RUFY2: variants seen among roughly 807,000 people sequenced by gnomAD.
RUFY2 encodes RUN and FYVE domain containing 2, also known as RUN and FYVE domain-containing protein 2.
In RUFY2, 49 loss-of-function variants were observed where a neutral mutation model predicts 94.4. The ratio of observed to expected loss-of-function variants is 0.52; its 90% CI spans 0.41 to 0.66. RUFY2 has a LOEUF of 0.66. RUFY2 is among the 30% of genes least tolerant of loss of function. The probability of loss-of-function intolerance (pLI) is 0.00; values close to 1 mark genes in which losing one functional copy is unlikely to be tolerated. For missense variants in RUFY2, 541 were observed against 692.8 expected (o/e 0.78, Z 2.46); for synonymous variants, 255 against 235.7 (o/e 1.08, Z -0.75).
intron 16 of RUFY2, 25 bp from the exon 17 acceptor site, chr10:68,346,109 T>C (rs753521914): frequency 1.0e-5 from 16 of 1,562,982 alleles, no homozygotes; most frequent in Non-Finnish European, 1.2e-5. Flanking sequence ...ATATTAATGC[T>C]CAAATTGGTA....
chr10:68,376,489 T>TATATATATATATATATATATATTC lies in RUFY2; in HGVS notation c.1325+363_1325+364insGAATATATATATATATATATATAT, dbSNP rs58358117. ...ATATATATATATATATATATATATA[T>TATATATATATATATATATATATTC]ATTCTCAGAAAACAGCATGTCCTTT... On this transcript the variant is annotated intron_variant, in intron 13 of 17. Transcript: ENST00000602465. Among the ~76,000 whole-genome samples the TATATATATATATATATATATATTC allele has an allele frequency of 7.3e-4, 38 of 51,840 alleles. 11 individuals are homozygous for TATATATATATATATATATATATTC. The highest frequency in any genetic ancestry group is 1.4e-3 in the Admixed American group (5 of 3,558). The allele number at this position is 51,840 out of a possible 152,430, so 34.0% of individuals were successfully genotyped here. A position where few individuals can be genotyped will look rare whatever the true frequency, so the allele number is the denominator to read the frequency against.
chr10:68,391,259 G>C (rs1400317904), intron 7 of RUFY2, among the ~76,000 whole-genome samples: 1 of 151,948 alleles, frequency 6.6e-6, no homozygotes, highest in Non-Finnish European at 1.5e-5. Flanking sequence ...TTGATTGCAT[G>C]TTGGAAGAAT....
In RUFY2 at chr10:68,344,361, ATG is replaced by A. The variant is rs1564764827; in HGVS notation, c.*1405_*1406del. On this transcript the variant is annotated 3_prime_UTR_variant, in exon 18 of 18. Transcript: ENST00000602465. ...AATGCTCTTAATCCATAAATTTTCT[ATG>A]TATTTTTTATAGGCTCACAAACTTA... is the stretch of plus-strand genomic sequence containing the variant. 3 of 152,190 alleles carry A rather than the reference ATG, an allele frequency of 2.0e-5. No homozygotes were observed. The highest frequency in any genetic ancestry group is 1.3e-4 in the Admixed American group (2 of 15,278). The allele number at this position is 152,190 out of a possible 1,614,324, so 9.4% of individuals were successfully genotyped here.
At chr10:68,382,574 C>T (rs1480530404) in intron 10 of RUFY2, among the ~76,000 whole-genome samples, 12 of 150,914 alleles carry the variant, frequency 8.0e-5, no homozygotes, top group Admixed American at 1.3e-4. Flanking sequence ...ATTAGCCGGG[C>T]GTGGTGGCGG....
Position 68,394,357 on chromosome 10 carries a change from A to G in RUFY2, c.493T>C (p.Cys165Arg). 6.2e-7 allele frequency: 1 copy of G among 1,613,914 alleles called. No individual in the cohort carries two copies. Among genetic ancestry groups the G allele is most frequent in the Non-Finnish European group, 8.5e-7 (1 of 1,179,864 alleles). ...GAGTCTAAATCCTCTCCCTTCACAC[A>G]CAGATTAGCATCGATCACATTCAGG... ...VGLNVIDANL[C>R]VKGEDLDSQV... The change falls in exon 5 of 18, where the codon TGT becomes CGT. Residue 165 changes from cysteine (C) to arginine (R), a missense_variant. Transcript: ENST00000602465.
At chr10:68,368,041 C>T (rs1263058201) in intron 13 of RUFY2, among the ~76,000 whole-genome samples, 2 of 151,424 alleles carry the variant, frequency 1.3e-5, no homozygotes, top group Non-Finnish European at 2.9e-5. Flanking sequence ...CCTCAGCGCA[C>T]TGCAACCTCC....
At chr10:68,362,877 C>T (rs2047549813) in intron 15 of RUFY2, among the ~76,000 whole-genome samples, 1 of 152,138 alleles carries the variant, frequency 6.6e-6, no homozygotes, top group Non-Finnish European at 1.5e-5. Context: ...CAAAACCAAA[C>T]TGTATGAAGT....
chr10:68,344,890 A>AT lies in RUFY2; in HGVS notation c.*877dup, dbSNP rs1355889184. The AT allele has an allele frequency of 2.6e-5, 4 of 152,100 alleles. No homozygotes were observed. The highest frequency in any genetic ancestry group is 7.2e-5 in the African/African-American group (3 of 41,396). The allele number at this position is 152,100 out of a possible 1,614,324, so 9.4% of individuals were successfully genotyped here. On this transcript the variant is annotated 3_prime_UTR_variant, in exon 18 of 18. Transcript: ENST00000602465. Reference sequence around the variant, plus strand: ...AATACATTACCAAAGCAAAGTCCTGATTTTTTTCTCACTTTTAATGCTTAG... The same window carrying AT: ...AATACATTACCAAAGCAAAGTCCTGATTTTTTTTCTCACTTTTAATGCTTAG...
chr10:68,377,355 T>C, intron 12 of RUFY2: 1 of 1,061,878 alleles, frequency 9.4e-7, no homozygotes. Flanking sequence ...ATGCCTACAC[T>C]AGGTGAAGAA....
Position 68,404,833 on chromosome 10 carries a change from G to A in RUFY2, c.16C>T (p.Pro6Ser). The change falls in exon 2 of 18, where the codon CCC (proline) becomes TCC (serine). Residue 6 changes from proline to serine, a missense_variant. Physicochemically the swap from Pro to Ser is moderately conservative, Grantham distance 74. Around this residue, in one of 3 missense-constraint regions of RUFY2, gnomAD observed 53 missense variants for 58.6 expected, o/e 0.90. Coordinates refer to ENST00000602465, the MANE Select transcript of RUFY2 (RefSeq NM_001330103.2). MATKD[P>S]TAVERANLLN... ...AAGTTTGCTCTCTCTACAGCTGTGG[G>A]GTCTTTTGTAGCTGAAAACACAAGA... The A allele has an allele frequency of 6.4e-7, 1 of 1,559,816 alleles. No homozygotes were observed.
Position 68,394,055 on chromosome 10 carries a change from ATAAC to A in RUFY2, c.584+16_584+19del, listed in dbSNP as rs772492943. ...CTATATAAAAAACCCAATATGTGAA[ATAAC>A]TTATGAAAATCATACCTTTCTTTAT... On this transcript the variant is annotated intron_variant, in intron 6 of 17. Coordinates refer to ENST00000602465, the MANE Select transcript of RUFY2 (RefSeq NM_001330103.2). 31 of 1,495,068 alleles carry A rather than the reference ATAAC, an allele frequency of 2.1e-5. No individual in the cohort carries two copies. In the African/African-American group the frequency reaches 3.1e-4, roughly 15 times the overall value. 92.6% of individuals were successfully genotyped at this position (1,495,068 alleles called of 1,614,324 possible).
intron 7 of RUFY2, among the ~76,000 whole-genome samples, chr10:68,386,588 C>T (rs1042323481): frequency 5.9e-5 from 9 of 151,976 alleles, no homozygotes; most frequent in Non-Finnish European, 1.0e-4. Flanking sequence ...GACCTCATGA[C>T]CCACCCACCT....
intron 2 of RUFY2, among the ~76,000 whole-genome samples, chr10:68,403,188 G>C (rs1175603079): frequency 6.7e-6 from 1 of 148,818 alleles, no homozygotes; most frequent in African/African-American, 2.5e-5. Context: ...AATGCTAATA[G>C]CATGATTACA....
chr10:68,400,880 G>C (rs1007539780), intron 3 of RUFY2, among the ~76,000 whole-genome samples: 1 of 151,958 alleles, frequency 6.6e-6, no homozygotes, highest in Non-Finnish European at 1.5e-5. Context: ...GGGCGTGGTG[G>C]CGGGCGCCTG....
chr10:68,394,733 C>G (rs1220009831), intron 4 of RUFY2, among the ~76,000 whole-genome samples: 1 of 151,896 alleles, frequency 6.6e-6, no homozygotes, highest in East Asian at 1.9e-4. Context: ...GGGTTCACAC[C>G]ATTTTCCTGC....
chr10:68,359,382 G>A (rs1038899211), intron 15 of RUFY2, among the ~76,000 whole-genome samples: 6 of 144,980 alleles, frequency 4.1e-5, no homozygotes, highest in African/African-American at 2.7e-5. Context: ...ATATATGTGT[G>A]TATATATACG....
At chr10:68,374,299 T>A (rs2048475590) in intron 13 of RUFY2, among the ~76,000 whole-genome samples, 1 of 151,344 alleles carries the variant, frequency 6.6e-6, no homozygotes, top group Non-Finnish European at 1.5e-5. Flanking sequence ...ACTTCAAACA[T>A]CATAAAGGTA....
chr10:68,377,607 C>A, intron 12 of RUFY2: 1 of 985,332 alleles, frequency 1.0e-6, no homozygotes, highest in Non-Finnish European at 1.2e-6. Context: ...CATTTTTGTT[C>A]CTCACCATTT....
chr10:68,366,084 T>C (rs894000938), intron 13 of RUFY2, among the ~76,000 whole-genome samples: 1 of 152,134 alleles, frequency 6.6e-6, no homozygotes, highest in Admixed American at 6.6e-5. Flanking sequence ...CACAAAACTT[T>C]GGGAGGCCAA....
Sources: gnomAD v4.1 joint callset for allele counts (sites outside exome capture counted in the v4.1 genomes callset) on GRCh38, gnomAD v4.1.1 for gene constraint, gnomAD v4.1.1 regional missense constraint, MANE v1.5 for transcripts, NCBI Gene and HGNC (gene_info 2026-07-23, HGNC 2026-07-21) for gene names.